CISD2: variants seen among roughly 807,000 people sequenced by gnomAD.
The protein encoded by CISD2 is CDGSH iron-sulfur domain-containing protein 2.
Under a neutral mutation model 12.9 loss-of-function variants are expected in CISD2, and 1 was observed. The observed-to-expected ratio is 0.08, with a 90% CI of 0.03 to 0.37. CISD2 has a LOEUF of 0.37. Among genes scored for constraint, CISD2 ranks in the 10% least tolerant of loss-of-function variants. The pLI is 0.99. For synonymous variants in CISD2, 50 were observed against 60.6 expected, an observed-to-expected ratio of 0.83 and a Z score of 0.81; for missense variants, 97 against 163.1, an observed-to-expected ratio of 0.59 and a Z score of 2.21.
chr4:102,885,390 T>G lies in CISD2; in HGVS notation c.278T>G (p.Leu93Arg). ...GAAATAAACATTGAAGATTTGTGTC[T>G]TACTAAAGCAGCTTATTGTAGGTGT... is the stretch of plus-strand genomic sequence containing the variant. The part of the protein sequence containing the change: ...VNEINIEDLC[L>R]TKAAYCRCWR... The change falls in exon 2 of 3, where the codon CTT becomes CGT. Residue 93 changes from leucine to arginine, a missense_variant. Coordinates refer to ENST00000273986, the MANE Select transcript of CISD2 (RefSeq NM_001008388.5). The G allele has an allele frequency of 6.2e-7, 1 of 1,614,090 alleles. No individual in the cohort carries two copies. Among genetic ancestry groups the G allele is most frequent in the East Asian group, 2.2e-5 (1 of 44,870 alleles).
At chr4:102,878,086 G>A (rs915934252) in intron 1 of CISD2, among the ~76,000 whole-genome samples, 4 of 147,804 alleles carry the variant, frequency 2.7e-5, no homozygotes, top group African/African-American at 9.9e-5. Flanking sequence ...GCAAATTTCT[G>A]CAGCCAGCTT....
At position 102,885,390 on chromosome 4, in the gene CISD2, T is replaced by C; in HGVS notation, c.278T>C (p.Leu93Pro). The C allele has an allele frequency of 6.2e-7, 1 of 1,614,090 alleles. No homozygotes were observed. Among genetic ancestry groups the C allele is most frequent in the Non-Finnish European group, 8.5e-7 (1 of 1,179,946 alleles). ...GAAATAAACATTGAAGATTTGTGTC[T>C]TACTAAAGCAGCTTATTGTAGGTGT... ...VNEINIEDLC[L>P]TKAAYCRCWR... Residue 93 changes from leucine to proline, a missense_variant, in exon 2 of 3, where the codon CTT becomes CCT. By Grantham distance (98) the Leu-to-Pro change is moderately conservative. Around this residue, in one of 2 missense-constraint regions of CISD2, gnomAD observed 89 missense variants for 114.4 expected, o/e 0.78. Transcript: ENST00000273986.
intron 1 of CISD2, among the ~76,000 whole-genome samples, chr4:102,883,494 C>T (rs1371251805): frequency 6.6e-6 from 1 of 152,186 alleles, no homozygotes; most frequent in Non-Finnish European, 1.5e-5. Flanking sequence ...ATAGTGTATC[C>T]TCTCCTCTTG....
intron 1 of CISD2, among the ~76,000 whole-genome samples, chr4:102,869,794 G>A (rs572085437): frequency 6.6e-6 from 1 of 152,262 alleles, no homozygotes; most frequent in East Asian, 1.9e-4. Flanking sequence ...AACTTAAGTT[G>A]GAAGAAAGAT....
At chr4:102,876,972 C>A (rs1733607922) in intron 1 of CISD2, among the ~76,000 whole-genome samples, 1 of 152,100 alleles carries the variant, frequency 6.6e-6, no homozygotes, top group Non-Finnish European at 1.5e-5. Context: ...ATGGGGAAAA[C>A]CACTCCCATG....
chr4:102,884,167 C>T (rs1438726821), intron 1 of CISD2, among the ~76,000 whole-genome samples: 1 of 152,060 alleles, frequency 6.6e-6, no homozygotes, highest in Non-Finnish European at 1.5e-5. Flanking sequence ...TTTAGGGTGT[C>T]CTGGACTAAA....
intron 1 of CISD2, among the ~76,000 whole-genome samples, chr4:102,870,675 C>CA (rs2110390870): frequency 6.6e-6 from 1 of 152,280 alleles, no homozygotes; most frequent in Non-Finnish European, 1.5e-5. Flanking sequence ...TGTTTATAAA[C>CA]ATCAGATCTT....
chr4:102,887,159 CTG>C (rs1221341631), intron 2 of CISD2, among the ~76,000 whole-genome samples, 180 bp from the exon 3 acceptor site: 2 of 152,116 alleles, frequency 1.3e-5, no homozygotes, highest in Non-Finnish European at 2.9e-5. Flanking sequence ...AATGAAGTAA[CTG>C]TTTAAATTGT....
chr4:102,874,938 A>G (rs1578310360), intron 1 of CISD2, among the ~76,000 whole-genome samples: 2 of 152,080 alleles, frequency 1.3e-5, no homozygotes, highest in Admixed American at 6.5e-5. Context: ...TCCATCTTCC[A>G]TCTGATACCA....
intron 1 of CISD2, among the ~76,000 whole-genome samples, chr4:102,875,890 T>G (rs1325133903): frequency 6.6e-6 from 1 of 152,224 alleles, no homozygotes; most frequent in Non-Finnish European, 1.5e-5. Context: ...CCTTGAAAAT[T>G]CTGCGCTCAA....
intron 1 of CISD2, among the ~76,000 whole-genome samples, chr4:102,878,351 G>A (rs548803512): frequency 1.5e-3 from 229 of 152,126 alleles, no homozygotes; most frequent in Admixed American, 3.1e-3. Context: ...GGACGGTCTC[G>A]ATGTCTTGAC....
chr4:102,872,363 C>A lies in CISD2; in HGVS notation c.103+3176C>A, dbSNP rs551143210. 2.6e-4 allele frequency among the ~76,000 whole-genome samples: 39 copies of A among 152,282 alleles called. 1 individual carries two copies. Among genetic ancestry groups the A allele is most frequent in the South Asian group, 2.3e-3 (11 of 4,820 alleles). The stretch of plus-strand genomic sequence containing the variant: ...GGGATTACAGGTGTGAGCCACTGCG[C>A]CCAGCCCTACCTTAGGTTTTAAGTG... On this transcript the variant is annotated intron_variant, in intron 1 of 2. Coordinates refer to ENST00000273986, the MANE Select transcript of CISD2 (RefSeq NM_001008388.5).
At chr4:102,879,280 A>G (rs1489647149) in intron 1 of CISD2, among the ~76,000 whole-genome samples, 2 of 151,978 alleles carry the variant, frequency 1.3e-5, no homozygotes, top group Non-Finnish European at 2.9e-5. Context: ...TATAGTAATA[A>G]TTATATAGTA....
chr4:102,882,466 A>G (rs1190749680), intron 1 of CISD2, among the ~76,000 whole-genome samples: 1 of 152,208 alleles, frequency 6.6e-6, no homozygotes, highest in Non-Finnish European at 1.5e-5. Context: ...CGCTGGCCTC[A>G]GGTACATGAA....
intron 1 of CISD2, among the ~76,000 whole-genome samples, chr4:102,874,132 A>G (rs59758926): frequency 6.6e-6 from 1 of 152,034 alleles, no homozygotes; most frequent in Non-Finnish European, 1.5e-5. Context: ...TCTTCAAAAA[A>G]AAAAAAAAAT....
In CISD2 at chr4:102,891,573, T is replaced by C. The variant is rs1734251195; in HGVS notation, c.*4143T>C. On this transcript the variant is annotated 3_prime_UTR_variant, in exon 3 of 3. Transcript: ENST00000273986. Reference sequence around the variant, plus strand: ...GCATTTGGTGGTAACAATTTCCCCTTAGCTATTTAGTTAAAAGCTTAGTGC... The same window carrying C: ...GCATTTGGTGGTAACAATTTCCCCTCAGCTATTTAGTTAAAAGCTTAGTGC... The C allele has an allele frequency of 6.6e-6, 1 of 152,244 alleles. No homozygotes were observed. The highest frequency in any genetic ancestry group is 2.1e-4 in the South Asian group (1 of 4,834). The allele number at this position is 152,244 out of a possible 1,614,324, so 9.4% of individuals were successfully genotyped here.
intron 1 of CISD2, chr4:102,869,554 A>C: frequency 1.4e-6 from 1 of 701,218 alleles, no homozygotes; most frequent in Non-Finnish European, 2.6e-6. Flanking sequence ...AGTCGTCGTT[A>C]TCTAAGGCCT....
intron 1 of CISD2, among the ~76,000 whole-genome samples, chr4:102,884,533 T>C (rs1390157931): frequency 6.6e-6 from 1 of 152,234 alleles, no homozygotes; most frequent in African/African-American, 2.4e-5. Context: ...CTGGTATTTT[T>C]GTGTCCACAT....
intron 1 of CISD2, among the ~76,000 whole-genome samples, chr4:102,871,930 G>A (rs1733461096): frequency 7.0e-6 from 1 of 143,692 alleles, no homozygotes. Context: ...GAAACCACAT[G>A]GAGATCTTTA....
Sources: gnomAD v4.1 joint callset for allele counts (sites outside exome capture counted in the v4.1 genomes callset) on GRCh38, gnomAD v4.1.1 for gene constraint, gnomAD v4.1.1 regional missense constraint, MANE v1.5 for transcripts, NCBI Gene and HGNC (gene_info 2026-07-23, HGNC 2026-07-21) for gene names.